The following MDK variants were observed in gnomAD, a reference collection of about 807,000 sequenced individuals.
MDK encodes the protein midkine.
In MDK, 17 loss-of-function variants were observed where a neutral mutation model predicts 18.9. The ratio of observed to expected loss-of-function variants is 0.90; its 90% CI spans 0.62 to 1.35. The LOEUF (loss-of-function observed/expected upper bound fraction) is 1.35. Among genes scored for constraint, MDK ranks in the 40% most tolerant of loss-of-function variants. MDK has a pLI of 0.00. For synonymous variants in MDK, 86 were observed against 74.3 expected (o/e 1.16, Z -0.81); for missense variants, 180 against 186.3 (o/e 0.97, Z 0.20).
chr11:46,383,304 A>C (rs1945276565), intron 4 of MDK, 165 bp from the exon 5 acceptor site: 1 of 590,402 alleles, frequency 1.7e-6, no homozygotes, highest in Non-Finnish European at 3.1e-6. Flanking sequence ...CCATGTCCAC[A>C]TCACAATGGC....
chr11:46,383,595 C>G lies in MDK; in HGVS notation c.*101C>G, dbSNP rs1945288921. ...GATGTGACCCACCAGTGCCTTCTGT[C>G]TGCTCGTTAGCTTTAATCAATCATG... On this transcript the variant is annotated 3_prime_UTR_variant, in exon 5 of 5. Transcript: ENST00000395566. 9.5e-7 allele frequency: 1 copy of G among 1,049,000 alleles called. No homozygotes were observed. The allele number at this position is 1,049,000 out of a possible 1,614,324, so 65.0% of individuals were successfully genotyped here. A position where few individuals can be genotyped will look rare whatever the true frequency, so the allele number is the denominator to read the frequency against.
chr11:46,383,339 A>T, intron 4 of MDK, 130 bp from the exon 5 acceptor site: 1 of 661,836 alleles, frequency 1.5e-6, no homozygotes, highest in Non-Finnish European at 2.6e-6. Context: ...CTTCCGAGTC[A>T]GCTGATTGGA....
At chr11:46,382,157 G>A in intron 2 of MDK, 24 bp downstream of exon 2, 4 of 1,610,084 alleles carry the variant, frequency 2.5e-6, no homozygotes, top group Non-Finnish European at 3.4e-6. Flanking sequence ...ATCGAAGGAG[G>A]GCTGGGGACG....
intron 4 of MDK, 42 bp downstream of exon 4, chr11:46,382,790 G>GGGGGGGGC (rs1945254785): frequency 3.6e-4 from 355 of 986,658 alleles, no homozygotes; most frequent in East Asian, 1.0e-3. Context: ...GCGGGGGGCT[G>GGGGGGGGC]CCCCCCCCCC....
upstream of MDK, chr11:46,381,562 G>A (rs1412354094): frequency 6.8e-6 from 1 of 146,976 alleles, no homozygotes; most frequent in East Asian, 2.0e-4. Context: ...CTGGAGCGGG[G>A]GCGGGGACGC....
In MDK at chr11:46,383,475, AAG is replaced by A; in HGVS notation, c.414_415del (p.Gly139GlufsTer96). ...TTTCTTTCTTGTTTTACAGCCAAGA[AAG>A]GGAAGGGAAAGGACTAGACGCCAAG... On this transcript the variant is annotated frameshift_variant, in exon 5 of 5. Coordinates refer to ENST00000395566, the MANE Select transcript of MDK (RefSeq NM_002391.6). LOFTEE classifies it high-confidence loss of function. The A allele has an allele frequency of 6.3e-7, 1 of 1,595,818 alleles. No individual in the cohort carries two copies. Among genetic ancestry groups the A allele is most frequent in the Non-Finnish European group, 8.5e-7 (1 of 1,170,452 alleles).
At chr11:46,381,664 G>C (rs1053071759), upstream of MDK, 1 of 152,174 alleles carries the variant, frequency 6.6e-6, no homozygotes, top group Non-Finnish European at 1.5e-5. Context: ...CCATGTGACC[G>C]GCTCAGACCG....
At chr11:46,380,973 G>C (rs1665029934), upstream of MDK, 1 of 152,336 alleles carries the variant, frequency 6.6e-6, no homozygotes, top group Non-Finnish European at 1.5e-5. Context: ...GCTGGATCTG[G>C]AACTTCTCAG....
chr11:46,382,787 G>GGGGGGGGCGC, intron 4 of MDK, 39 bp downstream of exon 4: 1 of 1,498,514 alleles, frequency 6.7e-7, no homozygotes, highest in Non-Finnish European at 8.9e-7. Flanking sequence ...GTCGCGGGGG[G>GGGGGGGGCGC]CTGCCCCCCC....
rs1240516391 is a variant in MDK at position 46,382,414 on chromosome 11, A to G, written c.197A>G (p.Gln66Arg). ...GAGGGCACCTGCGGGGCCCAGACCC[A>G]GCGCATCCGGTGCAGGGTGCCCTGC... The part of the protein sequence containing the change: ...FREGTCGAQT[Q>R]RIRCRVPCNW... Residue 66 changes from glutamine to arginine, a missense_variant, in exon 3 of 5, where the codon CAG becomes CGG. Gln to Arg is a conservative substitution (Grantham distance 43). Transcript: ENST00000395566. 1.3e-6 allele frequency: 2 copies of G among 1,541,638 alleles called. No individual in the cohort carries two copies. Among genetic ancestry groups the G allele is most frequent in the Admixed American group, 2.0e-5 (1 of 49,108 alleles).
intron 4 of MDK, 27 bp from the exon 5 acceptor site, chr11:46,383,442 T>C: frequency 6.4e-7 from 1 of 1,567,682 alleles, no homozygotes; most frequent in Non-Finnish European, 8.7e-7. Flanking sequence ...GCTGATATGG[T>C]ATTAATATTT....
chr11:46,383,553 C>G lies in MDK; in HGVS notation c.*59C>G, dbSNP rs757043536. On this transcript the variant is annotated 3_prime_UTR_variant, in exon 5 of 5. Coordinates refer to ENST00000395566, the MANE Select transcript of MDK (RefSeq NM_002391.6). ...TCACATGGGGCCTGGCCCACGCCCTCCCTCTCCCAGGCCCGAGATGTGACC... is the reference window on the plus strand; with the variant it reads ...TCACATGGGGCCTGGCCCACGCCCTGCCTCTCCCAGGCCCGAGATGTGACC... The G allele has an allele frequency of 1.3e-6, 2 of 1,526,484 alleles. No homozygotes were observed. Among genetic ancestry groups the G allele is most frequent in the Non-Finnish European group, 1.8e-6 (2 of 1,101,448 alleles). 94.6% of individuals were successfully genotyped at this position (1,526,484 alleles called of 1,614,324 possible).
In MDK at chr11:46,382,135, T is replaced by A; in HGVS notation, c.76+2T>A. ...CCTCCGCGGTCGCCAAAAAGAAAGGTGATGGGGGATGATCGAAGGAGGGCT... is the reference window on the plus strand; with the variant it reads ...CCTCCGCGGTCGCCAAAAAGAAAGGAGATGGGGGATGATCGAAGGAGGGCT... On this transcript the variant is annotated splice_donor_variant, in intron 2 of 4. Transcript: ENST00000395566. LOFTEE classifies it high-confidence loss of function. The A allele has an allele frequency of 6.2e-7, 1 of 1,610,412 alleles. No individual in the cohort carries two copies. Among genetic ancestry groups the A allele is most frequent in the Non-Finnish European group, 8.5e-7 (1 of 1,178,994 alleles).
intron 3 of MDK, 57 bp from the exon 4 acceptor site, chr11:46,382,530 T>C (rs1664768454): frequency 1.9e-6 from 3 of 1,557,920 alleles, no homozygotes. Context: ...GGCGGACCCT[T>C]GGCGGAGGGC....
intron 4 of MDK, 30 bp from the exon 5 acceptor site, chr11:46,383,439 T>C (rs754429216): frequency 4.1e-5 from 64 of 1,554,190 alleles, no homozygotes; most frequent in Middle Eastern, 2.2e-4. Context: ...ACTGCTGATA[T>C]GGTATTAATA....
At chr11:46,382,000 C>A in intron 1 of MDK, 57 bp from the exon 2 acceptor site, 1 of 1,527,040 alleles carries the variant, frequency 6.5e-7, no homozygotes, top group South Asian at 1.2e-5. Flanking sequence ...GCCCTGCACG[C>A]GGCCCCCGGT....
intron 4 of MDK, 41 bp downstream of exon 4, chr11:46,382,789 T>TC (rs2136542375): frequency 7.5e-6 from 3 of 399,448 alleles, no homozygotes; most frequent in South Asian, 2.9e-5. Flanking sequence ...CGCGGGGGGC[T>TC]GCCCCCCCCC....
chr11:46,383,826 T>G (rs184404645), downstream of MDK: 1 of 403,932 alleles, frequency 2.5e-6, no homozygotes, highest in Non-Finnish European at 4.7e-6. Context: ...TTTTAATATA[T>G]AAAAGCCCCT....
intron 3 of MDK, 27 bp from the exon 4 acceptor site, chr11:46,382,560 C>T: frequency 1.3e-6 from 2 of 1,589,762 alleles, no homozygotes; most frequent in South Asian, 2.2e-5. Flanking sequence ...GGCCGCGCAG[C>T]GCTGACCTGG....
Sources: allele counts gnomAD v4.1 joint callset, GRCh38; gene constraint gnomAD v4.1.1; transcripts MANE v1.5; gene names NCBI Gene and HGNC (gene_info 2026-07-23, HGNC 2026-07-21).